Variants in MROH2A observed in about 807,000 individuals in gnomAD.
MROH2A encodes the protein maestro heat-like repeat-containing protein family member 2A.
Under a neutral mutation model 200.4 loss-of-function variants are expected in MROH2A, and 174 were observed. That is an observed-to-expected ratio of 0.87 (90% CI 0.77 to 0.98). The LOEUF is 0.98. Among genes scored for constraint, MROH2A ranks in the 50% least tolerant of loss-of-function variants. The probability of loss-of-function intolerance (pLI) is 0.00; values close to 1 mark genes in which losing one functional copy is unlikely to be tolerated. For synonymous variants in MROH2A, 829 were observed against 840.4 expected, an observed-to-expected ratio of 0.99 and a Z score of 0.23; for missense variants, 2,045 against 2,139.6, an observed-to-expected ratio of 0.96 and a Z score of 0.87.
chr2:233,803,626 A>G, intron 16 of MROH2A, 138 bp downstream of exon 16: 1 of 884,516 alleles, frequency 1.1e-6, no homozygotes, highest in Non-Finnish European at 1.7e-6. Flanking sequence ...GCTTGGCAGG[A>G]CAGATCATTC....
chr2:233,788,656 A>C (rs1203043105), intron 3 of MROH2A, among the ~76,000 whole-genome samples: 1 of 151,964 alleles, frequency 6.6e-6, no homozygotes, highest in East Asian at 1.9e-4. Context: ...GTGGCTTGTC[A>C]GCCGGGCGTG....
rs1274169568 is a variant in MROH2A at position 233,787,500 on chromosome 2, CAT to C, written c.277-1990_277-1989del. 2.7e-4 allele frequency among the ~76,000 whole-genome samples: 32 copies of C among 119,836 alleles called. 1 individual carries two copies. In the East Asian group the frequency reaches 4.7e-3, roughly 17 times the overall value. The allele number at this position is 119,836 out of a possible 152,430, so 78.6% of individuals were successfully genotyped here. A position where few individuals can be genotyped will look rare whatever the true frequency, so the allele number is the denominator to read the frequency against. On this transcript the variant is annotated intron_variant, in intron 3 of 41. Coordinates refer to ENST00000389758, the MANE Select transcript of MROH2A (RefSeq NM_001394639.1). ...TACATATATAATATATATACATATACATATATATTATATATACATATATATTA... is the reference window on the plus strand; with the variant it reads ...TACATATATAATATATATACATATACATATATTATATATACATATATATTA...
In MROH2A at chr2:233,816,875, C is replaced by T; in HGVS notation, c.2951C>T (p.Thr984Ile). ...CTCATGTGGATTTATGTCCACAGCA[C>T]TGCTGTCTGTGTGAGTCCAGGAGTC... The part of the protein sequence containing the change: ...LYLMWIYVHS[T>I]AVCIHLKLGQ... Residue 984 changes from threonine (T) to isoleucine (I), a missense_variant, in exon 27 of 42, where the codon ACT (threonine) becomes ATT (isoleucine). Physicochemically the swap from Thr to Ile is moderately conservative, Grantham distance 89. Around this residue, in one of 3 missense-constraint regions of MROH2A, gnomAD observed 1,201 missense variants for 1,311.3 expected, o/e 0.92. Transcript: ENST00000389758. The T allele has an allele frequency of 6.5e-7, 1 of 1,542,654 alleles. No homozygotes were observed. The highest frequency in any genetic ancestry group is 8.8e-7 in the Non-Finnish European group (1 of 1,139,868).
At chr2:233,830,318 C>T (rs1704637685) in intron 38 of MROH2A, among the ~76,000 whole-genome samples, 1 of 152,170 alleles carries the variant, frequency 6.6e-6, no homozygotes, top group Admixed American at 6.5e-5. Context: ...ACCTCAGGAT[C>T]CTCACTCCCT....
Position 233,828,686 on chromosome 2 carries a change from GCTGGAGAAGGGTGCCGA to G in MROH2A, c.4172_4188del (p.Leu1391ProfsTer63). The G allele has an allele frequency of 6.4e-7, 1 of 1,550,744 alleles. No homozygotes were observed. ...AGCTGCTGAAGCCGGCAGCTTTGCT[GCTGGAGAAGGGTGCCGA>G]CCAGGAGGAAGACGAGGCCCTGCGG... is the stretch of plus-strand genomic sequence containing the variant. On this transcript the variant is annotated frameshift_variant, in exon 36 of 42. Transcript: ENST00000389758. LOFTEE classifies it high-confidence loss of function. The surrounding 1 kb of genome is among the most constrained non-coding windows in gnomAD (Gnocchi z 4.6).
chr2:233,796,799 G>A (rs1702139409), intron 11 of MROH2A, among the ~76,000 whole-genome samples: 1 of 152,208 alleles, frequency 6.6e-6, no homozygotes, highest in African/African-American at 2.4e-5. Context: ...CAGCCCTACA[G>A]GTACATAATG....
intron 26 of MROH2A, among the ~76,000 whole-genome samples, chr2:233,815,454 G>A (rs1703455178): frequency 6.6e-6 from 1 of 152,060 alleles, no homozygotes; most frequent in Non-Finnish European, 1.5e-5. Context: ...CATGCTTTTG[G>A]TGTCAAATCT....
Position 233,796,217 on chromosome 2 carries a change from GAGCTGATGAAGTTCTTCTTC to G in MROH2A, c.1160_1179del (p.Leu387ProfsTer18). On this transcript the variant is annotated frameshift_variant, in exon 11 of 42. Coordinates refer to ENST00000389758, the MANE Select transcript of MROH2A (RefSeq NM_001394639.1). LOFTEE classifies it high-confidence loss of function. The stretch of plus-strand genomic sequence containing the variant: ...CCCTGCAGCTCGCTCCTACCCCAAG[GAGCTGATGAAGTTCTTCTTC>G]AGCCAGATGGAGACAAACAAGGAGG... 1.9e-6 allele frequency: 3 copies of G among 1,550,288 alleles called. No individual in the cohort carries two copies. The highest frequency in any genetic ancestry group is 2.6e-6 in the Non-Finnish European group (3 of 1,146,782).
intron 22 of MROH2A, among the ~76,000 whole-genome samples, chr2:233,809,780 G>GTATACA (rs1703036830): frequency 6.6e-6 from 1 of 151,372 alleles, no homozygotes; most frequent in Non-Finnish European, 1.5e-5. Flanking sequence ...CCATTTTTAA[G>GTATACA]TATATATATA....
Position 233,811,960 on chromosome 2 carries a change from G to A in MROH2A, c.2651+1G>A, listed in dbSNP as rs1159285356. 1 of 1,547,790 alleles carries A rather than the reference G, an allele frequency of 6.5e-7. No homozygotes were observed. Among genetic ancestry groups the A allele is most frequent in the Non-Finnish European group, 8.7e-7 (1 of 1,145,000 alleles). The stretch of plus-strand genomic sequence containing the variant: ...CGATGGAGGCCCTCTCGCACCTGAG[G>A]TGAGCTGGGTTCCCACCCTCACCCC... On this transcript the variant is annotated splice_donor_variant, in intron 24 of 41. Transcript: ENST00000389758. LOFTEE classifies it high-confidence loss of function.
chr2:233,814,519 G>T, intron 25 of MROH2A, 63 bp from the exon 26 acceptor site: 1 of 1,227,026 alleles, frequency 8.1e-7, no homozygotes, highest in Non-Finnish European at 1.2e-6. Flanking sequence ...TGAACTCCCT[G>T]CAGGGAGGGG....
At chr2:233,809,780 G>GTATATATATA (rs10635266) in intron 22 of MROH2A, among the ~76,000 whole-genome samples, 18 of 151,486 alleles carry the variant, frequency 1.2e-4, no homozygotes, top group African/African-American at 4.4e-4. Context: ...CCATTTTTAA[G>GTATATATATA]TATATATATA....
intron 29 of MROH2A, 145 bp downstream of exon 29, chr2:233,818,915 C>A: frequency 1.6e-6 from 1 of 619,772 alleles, no homozygotes. Flanking sequence ...CAACTGCTGC[C>A]CTCTGTGTTG....
In MROH2A at chr2:233,792,914, C is replaced by T. The variant is rs1477755243; in HGVS notation, c.670+20C>T. On this transcript the variant is annotated intron_variant, in intron 6 of 41. Coordinates refer to ENST00000389758, the MANE Select transcript of MROH2A (RefSeq NM_001394639.1). Reference sequence around the variant, plus strand: ...GCAGTGGTGAGTGTCCCACTTGAGCCTGCAGGTCTGGCTCGATCAGGGCGC... The same window carrying T: ...GCAGTGGTGAGTGTCCCACTTGAGCTTGCAGGTCTGGCTCGATCAGGGCGC... 1 of 1,550,206 alleles carries T rather than the reference C, an allele frequency of 6.5e-7. No homozygotes were observed. Among genetic ancestry groups the T allele is most frequent in the Non-Finnish European group, 8.7e-7 (1 of 1,146,898 alleles).
At chr2:233,788,131 TTTTATA>T (rs1701484276) in intron 3 of MROH2A, among the ~76,000 whole-genome samples, 1 of 103,924 alleles carries the variant, frequency 9.6e-6, no homozygotes, top group Non-Finnish European at 1.8e-5. Context: ...TACATATATA[TTTTATA>T]TATATATAAT....
Position 233,814,663 on chromosome 2 carries a change from C to T in MROH2A, c.2842C>T (p.Gln948Ter). ...GAGGCAGCTGGACCCCAAGGGGCTG[C>T]AGGAGATGGTGCAGGTGAGTTGCCT... ...LQRQLDPKGL[Q>*]EMVQLLEKWI... The change falls in exon 26 of 42, where the codon CAG becomes TAG. Residue 948 changes from glutamine to a stop codon, truncating the protein, a stop_gained. Transcript: ENST00000389758. LOFTEE classifies it high-confidence loss of function. 1.3e-6 allele frequency: 2 copies of T among 1,550,240 alleles called. No homozygotes were observed. The highest frequency in any genetic ancestry group is 1.7e-6 in the Non-Finnish European group (2 of 1,146,772).
At position 233,794,487 on chromosome 2, in the gene MROH2A, A is replaced by G; in HGVS notation, c.947A>G (p.Glu316Gly). The change falls in exon 8 of 42, where the codon GAG (glutamate) becomes GGG (glycine). Residue 316 changes from glutamate to glycine, a missense_variant. Physicochemically the swap from Glu to Gly is moderately conservative, Grantham distance 98. Coordinates refer to ENST00000389758, the MANE Select transcript of MROH2A (RefSeq NM_001394639.1). ...CTGGCGGAGTACCAGGGCAGTCTGG[A>G]GGTGCTCTTCGTCACGCAGGCGAGT... ...LLLAEYQGSLEVLFVTQVLRQ... is the reference protein window; with the variant it reads ...LLLAEYQGSLGVLFVTQVLRQ... 6.5e-7 allele frequency: 1 copy of G among 1,543,978 alleles called. No individual in the cohort carries two copies. The highest frequency in any genetic ancestry group is 8.8e-7 in the Non-Finnish European group (1 of 1,141,022).
chr2:233,795,928 C>G (rs147958047), intron 9 of MROH2A, 39 bp from the exon 10 acceptor site: 26,646 of 1,545,708 alleles, frequency 0.017, 300 homozygotes, highest in South Asian at 0.02. Context: ...ACCTGTGTCC[C>G]TGTGATCTCC....
chr2:233,805,555 T>C (rs1449967947), intron 19 of MROH2A, among the ~76,000 whole-genome samples: 1 of 152,118 alleles, frequency 6.6e-6, no homozygotes, highest in East Asian at 1.9e-4. Flanking sequence ...CTAAAATTGA[T>C]CCTAAAATTT....
Sources: gnomAD v4.1 joint callset for allele counts (sites outside exome capture counted in the v4.1 genomes callset) on GRCh38, gnomAD v4.1.1 for gene constraint, gnomAD v4.1.1 regional missense constraint, Gnocchi (gnomAD v3.1) non-coding constraint, MANE v1.5 for transcripts, NCBI Gene and HGNC (gene_info 2026-07-23, HGNC 2026-07-21) for gene names.